The following KLHL2 variants were observed in gnomAD, a reference collection of about 807,000 sequenced individuals.
KLHL2 encodes the protein kelch like family member 2.
KLHL2 carries 15 observed loss-of-function variants against 75.8 expected under a neutral mutation model. The ratio of observed to expected loss-of-function variants is 0.20; its 90% CI spans 0.13 to 0.30. The LOEUF is 0.30. Among genes scored for constraint, KLHL2 ranks in the 10% least tolerant of loss-of-function variants. The probability of loss-of-function intolerance (pLI) is 1.00; values close to 1 mark genes in which losing one functional copy is unlikely to be tolerated. For synonymous variants in KLHL2, 214 were observed against 251.9 expected (o/e 0.85, Z 1.42); for missense variants, 381 against 741.0 (o/e 0.51, Z 5.64).
At chr4:165,264,760 AT>A (rs1216778407) in intron 5 of KLHL2, among the ~76,000 whole-genome samples, 1 of 95,114 alleles carries the variant, frequency 1.1e-5, no homozygotes, top group Non-Finnish European at 2.0e-5. Context: ...ATATATATAT[AT>A]ATATAAAACA....
chr4:165,302,609 G>A (rs909751876), intron 8 of KLHL2, among the ~76,000 whole-genome samples: 2 of 152,050 alleles, frequency 1.3e-5, no homozygotes, highest in Non-Finnish European at 2.9e-5. Context: ...TAAAAATTGT[G>A]TGTGTTTTGC....
At chr4:165,299,691 T>G in intron 8 of KLHL2, 35 bp downstream of exon 8, 1 of 1,542,224 alleles carries the variant, frequency 6.5e-7, no homozygotes, top group Non-Finnish European at 8.8e-7. Context: ...TATTACCTCA[T>G]GCAAAAGGCT....
chr4:165,215,732 T>C (rs1351010113), intron 1 of KLHL2, among the ~76,000 whole-genome samples: 2 of 152,124 alleles, frequency 1.3e-5, no homozygotes, highest in Admixed American at 6.5e-5. Context: ...CATTTTTTTT[T>C]TCTAAAAATA....
chr4:165,285,213 C>T (rs1194719119), intron 5 of KLHL2, among the ~76,000 whole-genome samples: 2 of 152,156 alleles, frequency 1.3e-5, no homozygotes, highest in African/African-American at 4.8e-5. Flanking sequence ...GAAGCTGTGT[C>T]AGGTGACCTT....
intron 13 of KLHL2, among the ~76,000 whole-genome samples, chr4:165,315,237 T>C (rs1207285883): frequency 6.6e-6 from 1 of 152,226 alleles, no homozygotes; most frequent in Non-Finnish European, 1.5e-5. Context: ...GAATATTTTC[T>C]TAAAGGTTAG....
chr4:165,268,712 T>C (rs1742445121), intron 5 of KLHL2, among the ~76,000 whole-genome samples: 1 of 152,236 alleles, frequency 6.6e-6, no homozygotes, highest in South Asian at 2.1e-4. Flanking sequence ...CTACATTTGC[T>C]GAGGAGTGCT....
chr4:165,230,168 T>TAG (rs909920389), intron 3 of KLHL2, among the ~76,000 whole-genome samples: 1 of 152,140 alleles, frequency 6.6e-6, no homozygotes, highest in Admixed American at 6.5e-5. Flanking sequence ...GACACTTTTC[T>TAG]AGAGAGAGAG....
intron 2 of KLHL2, among the ~76,000 whole-genome samples, chr4:165,224,316 A>G (rs1360499108): frequency 6.6e-6 from 1 of 152,168 alleles, no homozygotes; most frequent in Admixed American, 6.5e-5. Context: ...TGGTGGGGGC[A>G]CAACCTATTA....
chr4:165,218,593 C>G lies in KLHL2; in HGVS notation c.27-1341C>G, dbSNP rs1326117151. 2.0e-5 allele frequency among the ~76,000 whole-genome samples: 3 copies of G among 152,140 alleles called. No homozygotes were observed. The East Asian group carries it at 5.8e-4, about 29-fold the overall frequency. On this transcript the variant is annotated intron_variant, in intron 1 of 14. Transcript: ENST00000226725. Reference sequence around the variant, plus strand: ...CCATTTCCCAACATGCCAGTTGCTTCCCTGACTTGTGCTGTCTTTCCCTTT... The same window carrying G: ...CCATTTCCCAACATGCCAGTTGCTTGCCTGACTTGTGCTGTCTTTCCCTTT...
At position 165,297,724 on chromosome 4, in the gene KLHL2, A is replaced by C; in HGVS notation, c.770A>C (p.Gln257Pro). The C allele has an allele frequency of 6.4e-7, 1 of 1,570,850 alleles. No homozygotes were observed. Among genetic ancestry groups the C allele is most frequent in the Non-Finnish European group, 8.8e-7 (1 of 1,140,464 alleles). Residue 257 changes from glutamine (Q) to proline (P), a missense_variant and splice_region_variant, in exon 7 of 15, where the codon CAG becomes CCG. By Grantham distance (76) the Gln-to-Pro change is moderately conservative. Around this residue, in one of 5 missense-constraint regions of KLHL2, gnomAD observed 111 missense variants for 150.1 expected, o/e 0.74. Transcript: ENST00000226725. ...LPLLPREYLVQRVEEEALVKN... is the reference protein window; with the variant it reads ...LPLLPREYLVPRVEEEALVKN... ...TTGCTTCCTCGGGAATATTTAGTTC[A>C]GGTAAATGCATATGCAAAACATATG...
intron 5 of KLHL2, among the ~76,000 whole-genome samples, chr4:165,267,820 G>C (rs551883438): frequency 9.7e-4 from 147 of 152,300 alleles, no homozygotes; most frequent in African/African-American, 3.4e-3. Flanking sequence ...TATGATGCTG[G>C]CCTCATAAAT....
chr4:165,308,427 T>TTC (rs1263625971), intron 9 of KLHL2, among the ~76,000 whole-genome samples: 2 of 152,238 alleles, frequency 1.3e-5, no homozygotes, highest in Non-Finnish European at 2.9e-5. Context: ...CTCCTTCAGA[T>TTC]TAGAGCCAAT....
intron 5 of KLHL2, chr4:165,279,748 G>C: frequency 3.4e-6 from 3 of 892,850 alleles, no homozygotes; most frequent in African/African-American, 1.6e-5. Flanking sequence ...GGCCGCGCGA[G>C]TCCGCTGAAC....
chr4:165,282,555 GAT>G (rs1743775279), intron 5 of KLHL2, among the ~76,000 whole-genome samples: 1 of 152,160 alleles, frequency 6.6e-6, no homozygotes, highest in African/African-American at 2.4e-5. Context: ...GAGAAAGACT[GAT>G]GCACTAGAGC....
At chr4:165,225,618 C>T (rs916964704) in intron 2 of KLHL2, among the ~76,000 whole-genome samples, 52 of 152,196 alleles carry the variant, frequency 3.4e-4, no homozygotes, top group African/African-American at 1.2e-3. Flanking sequence ...ACTTTTCATT[C>T]GTAGCTGTCT....
chr4:165,236,198 C>T (rs1319228810), intron 3 of KLHL2, among the ~76,000 whole-genome samples: 1 of 152,198 alleles, frequency 6.6e-6, no homozygotes, highest in Non-Finnish European at 1.5e-5. Flanking sequence ...TCAAGGATGA[C>T]TCTCACTGAG....
intron 2 of KLHL2, among the ~76,000 whole-genome samples, chr4:165,222,527 A>C (rs1738080004): frequency 6.6e-6 from 1 of 152,210 alleles, no homozygotes; most frequent in South Asian, 2.1e-4. Flanking sequence ...TTGAATAGCC[A>C]GAGTGTTGGC....
chr4:165,315,206 G>A (rs1000203311), intron 13 of KLHL2, among the ~76,000 whole-genome samples: 1 of 152,102 alleles, frequency 6.6e-6, no homozygotes, highest in African/African-American at 2.4e-5. Context: ...AGGAAATTTA[G>A]TTGCAATTTG....
intron 4 of KLHL2, chr4:165,240,447 A>G (rs186863437): frequency 6.6e-6 from 1 of 152,274 alleles, no homozygotes; most frequent in African/African-American, 2.4e-5. Context: ...GCTTTTGCTT[A>G]GAAGTTCCAG....
Sources: gnomAD v4.1 joint callset for allele counts (sites outside exome capture counted in the v4.1 genomes callset) on GRCh38, gnomAD v4.1.1 for gene constraint, gnomAD v4.1.1 regional missense constraint, MANE v1.5 for transcripts, NCBI Gene and HGNC (gene_info 2026-07-23, HGNC 2026-07-21) for gene names.